Variants in OGT observed in about 807,000 individuals in gnomAD.
OGT encodes UDP-N-acetylglucosamine--peptide N-acetylglucosaminyltransferase 110 kDa subunit.
In OGT, 3 loss-of-function variants were observed where a neutral mutation model predicts 75.8. That is an observed-to-expected ratio of 0.04 (90% confidence interval 0.02 to 0.10). The LOEUF is 0.10. Among genes scored for constraint, OGT ranks in the 10% least tolerant of loss-of-function variants. The pLI is 1.00. For missense variants in OGT, 260 were observed against 824.4 expected (o/e 0.32, Z 8.38); for synonymous variants, 257 against 289.7 (o/e 0.89, Z 1.15).
chrX:71,565,638 G>A (rs1011013847), intron 19 of OGT, among the ~76,000 whole-genome samples: 3 of 112,071 alleles, frequency 2.7e-5, no homozygotes, highest in Non-Finnish European at 5.6e-5. Flanking sequence ...CATATTCAAA[G>A]CATTCTTCTG....
chrX:71,535,414 A>G (rs960633607), intron 1 of OGT, among the ~76,000 whole-genome samples: 16 of 111,680 alleles, frequency 1.4e-4, no homozygotes, highest in African/African-American at 4.9e-4. Context: ...GATTTAGCCA[A>G]TTTAGTCTCC....
chrX:71,557,996 C>T (rs1173119483), intron 12 of OGT, among the ~76,000 whole-genome samples: 3 of 108,247 alleles, frequency 2.8e-5, no homozygotes, highest in African/African-American at 1.0e-4. Context: ...GCTCTGTCGC[C>T]CAGGCTGGAG....
intron 4 of OGT, 99 bp from the exon 5 acceptor site, chrX:71,547,808 T>TCA: frequency 9.4e-7 from 1 of 1,068,205 alleles, no homozygotes; most frequent in Non-Finnish European, 1.2e-6. Flanking sequence ...ATCACCTTCT[T>TCA]CCCCCCCTCC....
chrX:71,568,870 C>A lies in OGT; in HGVS notation c.2966+754C>A, dbSNP rs944054887. 3.7e-5 allele frequency among the ~76,000 whole-genome samples: 4 copies of A among 108,879 alleles called. No homozygotes were observed. In the Admixed American group the frequency reaches 3.9e-4, roughly 11 times the overall value. 94.5% of individuals were successfully genotyped at this position (108,879 alleles called of 115,157 possible). A position where few individuals can be genotyped will look rare whatever the true frequency, so the allele number is the denominator to read the frequency against. On this transcript the variant is annotated intron_variant, in intron 21 of 21. Transcript: ENST00000373719. ...CAAAAACAAACAAACAAAAAAAAAACCAAACAAACAAAAAAAACCAAAAAA... is the reference window on the plus strand; with the variant it reads ...CAAAAACAAACAAACAAAAAAAAAAACAAACAAACAAAAAAAACCAAAAAA...
chrX:71,564,731 C>T lies in OGT; in HGVS notation c.2567C>T (p.Ser856Phe). The T allele has an allele frequency of 8.3e-7, 1 of 1,202,617 alleles. No homozygotes were observed. The highest frequency in any genetic ancestry group is 1.1e-6 in the Non-Finnish European group (1 of 889,442). ...AATCAGTTGTATAAAATTGACCCTT[C>T]TACTTTGCAGATGTGGGCAAACGTG... ...NFNQLYKIDP[S>F]TLQMWANILK... Residue 856 changes from serine (S) to phenylalanine (F), a missense_variant, in exon 19 of 22, where the codon TCT becomes TTT. By Grantham distance (155) the Ser-to-Phe change is radical. Around this residue, in one of 6 missense-constraint regions of OGT, gnomAD observed 79 missense variants for 141.0 expected, o/e 0.56. Coordinates refer to ENST00000373719, the MANE Select transcript of OGT (RefSeq NM_181672.3).
In OGT at chrX:71,570,033, G is replaced by GT. The variant is rs34416880; in HGVS notation, c.2966+1943dup. 6.9e-3 allele frequency among the ~76,000 whole-genome samples: 184 copies of GT among 26,518 alleles called. 29 individuals are homozygous for GT. The highest frequency in any genetic ancestry group is 0.015 in the African/African-American group (80 of 5,355). 23.0% of individuals were successfully genotyped at this position (26,518 alleles called of 115,157 possible). ...ACAGGAGTGAGCCACTGTGCCTGGC[G>GT]TTTTTTTTTTTTTTTTTTTTTTTTT... On this transcript the variant is annotated intron_variant, in intron 21 of 21. Transcript: ENST00000373719.
chrX:71,546,859 T>C lies in OGT; in HGVS notation c.532-1048T>C, dbSNP rs770309244. 2.1e-5 allele frequency: 16 copies of C among 754,046 alleles called. No individual in the cohort carries two copies. The Admixed American group carries it at 1.3e-3, about 61-fold the overall frequency. The allele number at this position is 754,046 out of a possible 1,213,427, so 62.1% of individuals were successfully genotyped here. Reference sequence around the variant, plus strand: ...GAACCCCTGTGAACGGTTGACTAGATGAGTAATCTGATTGACTGGCTCCCT... The same window carrying C: ...GAACCCCTGTGAACGGTTGACTAGACGAGTAATCTGATTGACTGGCTCCCT... On this transcript the variant is annotated intron_variant, in intron 4 of 21. Transcript: ENST00000373719.
chrX:71,560,275 CAAAAAAAAAAAAAAAA>C (rs764918597), intron 14 of OGT, among the ~76,000 whole-genome samples: 1 of 45,848 alleles, frequency 2.2e-5, no homozygotes, highest in African/African-American at 7.6e-5. Context: ...GACTCTGTCT[CAAAAAAAAAAAAAAAA>C]AAAGAAAAAA....
intron 19 of OGT, among the ~76,000 whole-genome samples, 175 bp downstream of exon 19, chrX:71,564,928 G>A (rs1051350447): frequency 4.5e-5 from 5 of 111,859 alleles, no homozygotes; most frequent in African/African-American, 1.6e-4. Flanking sequence ...AGGCTGATGC[G>A]GGTGGATCAC....
intron 2 of OGT, 116 bp from the exon 3 acceptor site, chrX:71,537,712 TA>T (rs2040189009): frequency 1.2e-6 from 1 of 858,431 alleles, no homozygotes; most frequent in Non-Finnish European, 1.6e-6. Context: ...AGTTAAAAGA[TA>T]AGGTATTATA....
chrX:71,553,089 GTTCT>G (rs1206204841), intron 5 of OGT, among the ~76,000 whole-genome samples: 1 of 111,827 alleles, frequency 8.9e-6, no homozygotes, highest in African/African-American at 3.2e-5. Context: ...AAGATGAAGT[GTTCT>G]TTCTTTATTT....
chrX:71,542,697 T>A (rs1014897987), intron 3 of OGT, among the ~76,000 whole-genome samples: 2 of 112,303 alleles, frequency 1.8e-5, no homozygotes, highest in African/African-American at 6.5e-5. Context: ...CAAACATGTA[T>A]AACCACAATT....
rs765884282 is a variant in OGT at position 71,562,885 on chromosome X, T to C, written c.2016T>C (p.Leu672=). 2 of 1,199,892 alleles carry C rather than the reference T, an allele frequency of 1.7e-6. No homozygotes were observed. The highest frequency in any genetic ancestry group is 2.3e-6 in the Non-Finnish European group (2 of 886,326). The stretch of plus-strand genomic sequence containing the variant: ...GATACCCTGGGACGAGTGGTGCGCT[T>C]TTCATGGATTATATTATCACTGATC... ...WLGYPGTSGA[L]FMDYIITDQE... Residue 672 remains leucine, a synonymous_variant, in exon 16 of 22, where the codon CTT becomes CTC. Coordinates refer to ENST00000373719, the MANE Select transcript of OGT (RefSeq NM_181672.3).
intron 3 of OGT, among the ~76,000 whole-genome samples, chrX:71,539,681 G>A (rs1353674956): frequency 8.9e-6 from 1 of 112,675 alleles, no homozygotes; most frequent in African/African-American, 3.2e-5. Context: ...GTTTTAGGGA[G>A]CCTGGTATGT....
At chrX:71,542,693 TG>T (rs1462429762) in intron 3 of OGT, among the ~76,000 whole-genome samples, 1 of 112,319 alleles carries the variant, frequency 8.9e-6, no homozygotes, top group Admixed American at 9.5e-5. Flanking sequence ...AGTCCAAACA[TG>T]TATAACCACA....
At chrX:71,546,201 C>T in intron 4 of OGT, 1 of 753,724 alleles carries the variant, frequency 1.3e-6, no homozygotes, top group Non-Finnish European at 1.6e-6. Flanking sequence ...GCATGTTTCC[C>T]ATATTACAGA....
chrX:71,554,064 C>CT (rs769784189), intron 5 of OGT, among the ~76,000 whole-genome samples: 1 of 112,087 alleles, frequency 8.9e-6, no homozygotes, highest in African/African-American at 3.2e-5. Context: ...TTGTATCTTA[C>CT]TGTGTATACA....
At position 71,552,028 on chromosome X, in the gene OGT, T is replaced by C. The variant is rs1315186480; in HGVS notation, c.649-2485T>C. On this transcript the variant is annotated intron_variant, in intron 5 of 21. Transcript: ENST00000373719. The stretch of plus-strand genomic sequence containing the variant: ...TTCGAGACCAGCCTGGCCAACATGG[T>C]GCAACCCCATCTCTACTCAAAATAC... Among the ~76,000 whole-genome samples, 4 of 109,531 alleles carry C rather than the reference T, an allele frequency of 3.7e-5. No individual in the cohort carries two copies. The Admixed American group carries it at 3.9e-4, about 11-fold the overall frequency.
intron 5 of OGT, among the ~76,000 whole-genome samples, chrX:71,549,526 C>G (rs2040287250): frequency 9.1e-6 from 1 of 110,065 alleles, no homozygotes; most frequent in Admixed American, 9.8e-5. Context: ...GTGGCTCACA[C>G]CTGTAATCCA....
Sources: gnomAD v4.1 joint callset for allele counts (sites outside exome capture counted in the v4.1 genomes callset) on GRCh38, gnomAD v4.1.1 for gene constraint, gnomAD v4.1.1 regional missense constraint, MANE v1.5 for transcripts, NCBI Gene and HGNC (gene_info 2026-07-23, HGNC 2026-07-21) for gene names.